The following HTR4 variants were observed in gnomAD, a reference collection of about 807,000 sequenced individuals.
HTR4 encodes the protein 5-hydroxytryptamine receptor 4, also known as 5-hydroxytryptamine (serotonin) receptor 4, G protein-coupled.
HTR4 carries 16 observed loss-of-function variants against 36.8 expected under a neutral mutation model. That is an observed-to-expected ratio of 0.43 (90% CI 0.29 to 0.66). The LOEUF is 0.66. Ranked by LOEUF, HTR4 falls within the 30% of genes least tolerant of loss-of-function variation. The probability of loss-of-function intolerance (pLI) is 0.13; values close to 1 mark genes in which losing one functional copy is unlikely to be tolerated. For synonymous variants in HTR4, 189 were observed against 185.1 expected, an observed-to-expected ratio of 1.02 and a Z score of -0.17; for missense variants, 438 against 490.9, an observed-to-expected ratio of 0.89 and a Z score of 1.02.
chr5:148,527,190 A>T (rs1464506679), intron 4 of HTR4, among the ~76,000 whole-genome samples: 1 of 152,192 alleles, frequency 6.6e-6, no homozygotes, highest in Non-Finnish European at 1.5e-5. Flanking sequence ...AATATTTTAC[A>T]TAAATAAATA....
intron 2 of HTR4, among the ~76,000 whole-genome samples, chr5:148,558,039 A>T (rs994470039): frequency 2.0e-5 from 3 of 152,010 alleles, no homozygotes; most frequent in Non-Finnish European, 2.9e-5. Flanking sequence ...ATTCTTGAAA[A>T]TATACACAGC....
rs989706019 is a variant in HTR4, at chr5:148,561,496, C to T, written c.27-11234G>A. Among the ~76,000 whole-genome samples the T allele has an allele frequency of 3.3e-5, 5 of 152,180 alleles. No homozygotes were observed. In the East Asian group the frequency reaches 9.6e-4, roughly 29 times the overall value. Reference sequence around the variant, plus strand: ...GTCAATTAGACCTCAGAGGTGGTCTCTCTTTAAGAAAACCCATTTTCCAAA... The same window carrying T: ...GTCAATTAGACCTCAGAGGTGGTCTTTCTTTAAGAAAACCCATTTTCCAAA... On this transcript the variant is annotated intron_variant, in intron 2 of 6. Coordinates refer to ENST00000377888, the MANE Select transcript of HTR4 (RefSeq NM_000870.7).
At chr5:148,531,322 A>G (rs1018721534) in intron 4 of HTR4, among the ~76,000 whole-genome samples, 3 of 152,082 alleles carry the variant, frequency 2.0e-5, no homozygotes, top group African/African-American at 4.8e-5. Context: ...TGGTTTAATC[A>G]TGGGGTGGGT....
chr5:148,479,887 G>A (rs746077036), downstream of HTR4, among the ~76,000 whole-genome samples: 4 of 152,256 alleles, frequency 2.6e-5, no homozygotes, highest in South Asian at 6.2e-4. Context: ...TATTAAAAAT[G>A]TAAATAAAAT....
At chr5:148,602,384 G>A (rs180898724) in intron 2 of HTR4, among the ~76,000 whole-genome samples, 1 of 152,008 alleles carries the variant, frequency 6.6e-6, no homozygotes, top group East Asian at 1.9e-4. Flanking sequence ...ATAAACCATG[G>A]GTCACAGAAG....
At chr5:148,523,911 C>T (rs1758141088) in intron 4 of HTR4, among the ~76,000 whole-genome samples, 1 of 152,132 alleles carries the variant, frequency 6.6e-6, no homozygotes, top group Non-Finnish European at 1.5e-5. Flanking sequence ...CATAGCTCTA[C>T]ATCTGGGCTC....
chr5:148,517,368 C>G (rs1387730502), intron 5 of HTR4, among the ~76,000 whole-genome samples: 1 of 151,820 alleles, frequency 6.6e-6, no homozygotes, highest in East Asian at 1.9e-4. Flanking sequence ...GAGAATGGTC[C>G]ACTTTTTTTT....
intron 6 of HTR4, among the ~76,000 whole-genome samples, chr5:148,505,801 G>A (rs1757169107): frequency 1.3e-5 from 2 of 152,068 alleles, no homozygotes; most frequent in Non-Finnish European, 2.9e-5. Flanking sequence ...AAATACCTAG[G>A]AATCCAACTC....
At chr5:148,590,711 G>A (rs138555368) in intron 2 of HTR4, among the ~76,000 whole-genome samples, 315 of 151,790 alleles carry the variant, frequency 2.1e-3, no homozygotes, top group African/African-American at 7.3e-3. Flanking sequence ...CAACATTGAT[G>A]TTGAAATATT....
Position 148,509,587 on chromosome 5 carries a change from CA to C in HTR4, c.944del (p.Leu315Ter). ...SGLNPFLYAF[L>X]NKSFRRAFLI... ...GGAAGGCACGTCTAAAAGACTTATTCAAGAAGGCGTAGAGAAAAGGGTTCAA... is the reference window on the plus strand; with the variant it reads ...GGAAGGCACGTCTAAAAGACTTATTCAGAAGGCGTAGAGAAAAGGGTTCAA... On this transcript the variant is annotated frameshift_variant, in exon 6 of 7. Coordinates refer to ENST00000377888, the MANE Select transcript of HTR4 (RefSeq NM_000870.7). LOFTEE classifies it high-confidence loss of function. 6.2e-7 allele frequency: 1 copy of C among 1,614,020 alleles called. No homozygotes were observed. Among genetic ancestry groups the C allele is most frequent in the Non-Finnish European group, 8.5e-7 (1 of 1,179,988 alleles).
intron 5 of HTR4, among the ~76,000 whole-genome samples, chr5:148,464,679 T>C (rs1424500014): frequency 6.6e-6 from 1 of 152,214 alleles, no homozygotes; most frequent in Non-Finnish European, 1.5e-5. Flanking sequence ...TTTGTCTGTC[T>C]TTTTACAAAA....
rs774685276 is a variant in HTR4, at chr5:148,451,293, G to T, written c.1077-21C>A. The T allele has an allele frequency of 1.9e-6, 3 of 1,613,312 alleles. No homozygotes were observed. The South Asian group carries it at 3.3e-5, about 18-fold the overall frequency. ...TGTACCTAGAAAGGAAGGAAAGAAG[G>T]CATGAGAATTCAACAGGCATGCTCC... On this transcript the variant is annotated intron_variant, in intron 5 of 5. Coordinates refer to the HTR4 transcript ENST00000521530.
chr5:148,504,230 C>T (rs904958912), intron 6 of HTR4, among the ~76,000 whole-genome samples: 2 of 152,170 alleles, frequency 1.3e-5, no homozygotes, highest in African/African-American at 2.4e-5. Context: ...CCAAAATTGT[C>T]CACATAGTTG....
intron 3 of HTR4, 97 bp downstream of exon 3, chr5:148,550,040 C>T (rs1314305290): frequency 1.6e-6 from 2 of 1,272,392 alleles, no homozygotes. Context: ...TGTTTTCTTT[C>T]TTAATTACAA....
At chr5:148,632,807 G>A (rs1233077060) in intron 2 of HTR4, among the ~76,000 whole-genome samples, 1 of 152,142 alleles carries the variant, frequency 6.6e-6, no homozygotes, top group Non-Finnish European at 1.5e-5. Context: ...GGAAAACCAC[G>A]TGTCAGCCGG....
intron 6 of HTR4, among the ~76,000 whole-genome samples, chr5:148,485,251 A>G (rs1339433322): frequency 1.3e-5 from 2 of 152,188 alleles, no homozygotes; most frequent in African/African-American, 4.8e-5. Context: ...CACCCATTTA[A>G]CAGGCAAGGA....
At chr5:148,516,846 C>A (rs932151047) in intron 5 of HTR4, among the ~76,000 whole-genome samples, 1 of 152,058 alleles carries the variant, frequency 6.6e-6, no homozygotes, top group Admixed American at 6.6e-5. Context: ...TTTCTTCTGG[C>A]AAGCAGATAG....
At chr5:148,501,493 G>A (rs1304500951) in intron 6 of HTR4, among the ~76,000 whole-genome samples, 37 of 152,244 alleles carry the variant, frequency 2.4e-4, no homozygotes, top group African/African-American at 4.8e-5. Context: ...TAAGAAAAAT[G>A]CAAAAATTGT....
At chr5:148,652,183 T>C (rs1318611486) in intron 1 of HTR4, among the ~76,000 whole-genome samples, 1 of 152,160 alleles carries the variant, frequency 6.6e-6, no homozygotes, top group Non-Finnish European at 1.5e-5. Context: ...CAAGTAAGGG[T>C]CTTACCTGAT....
Sources: gnomAD v4.1 joint callset for allele counts (sites outside exome capture counted in the v4.1 genomes callset) on GRCh38, gnomAD v4.1.1 for gene constraint, MANE v1.5 for transcripts, NCBI Gene and HGNC (gene_info 2026-07-23, HGNC 2026-07-21) for gene names.